The following TPST1 variants were observed in gnomAD, a reference collection of about 807,000 sequenced individuals.
TPST1 encodes the protein tyrosylprotein sulfotransferase 1.
In TPST1, 20 loss-of-function variants were observed where a neutral mutation model predicts 34.8. That is an observed-to-expected ratio of 0.57 (90% CI 0.40 to 0.84). The LOEUF is 0.84. Among genes scored for constraint, TPST1 ranks in the 40% least tolerant of loss-of-function variants. The pLI is 0.00. For synonymous variants in TPST1, 152 were observed against 159.4 expected, an observed-to-expected ratio of 0.95 and a Z score of 0.35; for missense variants, 353 against 455.5, an observed-to-expected ratio of 0.78 and a Z score of 2.05.
At chr7:66,209,649 G>A (rs1344509597) in intron 1 of TPST1, among the ~76,000 whole-genome samples, 1 of 152,140 alleles carries the variant, frequency 6.6e-6, no homozygotes, top group Non-Finnish European at 1.5e-5. Flanking sequence ...TATCTCTGCA[G>A]TAAAGCATTC....
Position 66,223,828 on chromosome 7 carries a change from T to C in TPST1, c.-101-16497T>C, listed in dbSNP as rs113637407. ...GAGCTCATAGCAGTCTAATTTCATA[T>C]ATACCCTCCACACATTCCTGCTCTC... is the stretch of plus-strand genomic sequence containing the variant. On this transcript the variant is annotated intron_variant, in intron 1 of 5. Coordinates refer to ENST00000304842, the MANE Select transcript of TPST1 (RefSeq NM_003596.4). 3.2e-4 allele frequency among the ~76,000 whole-genome samples: 48 copies of C among 152,334 alleles called. 4 individuals carry two copies. The highest frequency in any genetic ancestry group is 1.1e-3 in the African/African-American group (46 of 41,586).
intron 2 of TPST1, among the ~76,000 whole-genome samples, chr7:66,267,788 G>T (rs1790620674): frequency 6.6e-6 from 1 of 152,162 alleles, no homozygotes; most frequent in African/African-American, 2.4e-5. Flanking sequence ...GCATAAGATG[G>T]AGCAGCAGAC....
intron 2 of TPST1, among the ~76,000 whole-genome samples, chr7:66,262,826 G>A (rs1334618995): frequency 1.3e-5 from 2 of 152,222 alleles, no homozygotes; most frequent in Non-Finnish European, 2.9e-5. Context: ...GGCTGGGTGC[G>A]GTGGCTCATG....
chr7:66,357,830 A>C (rs1792611295), intron 5 of TPST1, among the ~76,000 whole-genome samples: 1 of 152,244 alleles, frequency 6.6e-6, no homozygotes, highest in East Asian at 1.9e-4. Flanking sequence ...TCATGCCTGT[A>C]ATCCCAGCAC....
chr7:66,343,668 T>C (rs1167037452), intron 3 of TPST1, among the ~76,000 whole-genome samples: 1 of 152,184 alleles, frequency 6.6e-6, no homozygotes, highest in East Asian at 1.9e-4. Context: ...AAGAGGACTT[T>C]TTACCGCAGT....
At chr7:66,278,150 G>A (rs1385565642) in intron 2 of TPST1, among the ~76,000 whole-genome samples, 1 of 147,932 alleles carries the variant, frequency 6.8e-6, no homozygotes, top group Non-Finnish European at 1.5e-5. Flanking sequence ...CCAGGTGAGA[G>A]ATGTTTGCTT....
At chr7:66,302,943 C>T (rs1791346798) in intron 3 of TPST1, among the ~76,000 whole-genome samples, 1 of 152,224 alleles carries the variant, frequency 6.6e-6, no homozygotes, top group South Asian at 2.1e-4. Context: ...TTTAACCACA[C>T]CACAGTGCCT....
chr7:66,214,177 C>A (rs1789337936), intron 1 of TPST1, among the ~76,000 whole-genome samples: 1 of 152,060 alleles, frequency 6.6e-6, no homozygotes, highest in African/African-American at 2.4e-5. Context: ...CCATTATCCT[C>A]AACTCTCCTA....
At chr7:66,359,781 C>A (rs111696430) in intron 5 of TPST1, 114 bp from the exon 6 acceptor site, 18,670 of 426,880 alleles carry the variant, frequency 0.044, 567 homozygotes, top group Non-Finnish European at 0.067. Flanking sequence ...TCTGCAGGAA[C>A]CTCCCCAACC....
intron 3 of TPST1, among the ~76,000 whole-genome samples, chr7:66,310,941 T>C (rs987507177): frequency 6.6e-6 from 1 of 152,104 alleles, no homozygotes; most frequent in Non-Finnish European, 1.5e-5. Context: ...TCCTCCCACC[T>C]TGGCCTCCCA....
At chr7:66,349,702 C>G (rs1792431281) in intron 3 of TPST1, among the ~76,000 whole-genome samples, 1 of 152,302 alleles carries the variant, frequency 6.6e-6, no homozygotes, top group East Asian at 1.9e-4. Context: ...CCAGAGTGGA[C>G]TGTGGGCCTG....
intron 2 of TPST1, among the ~76,000 whole-genome samples, chr7:66,282,008 A>C (rs184060943): frequency 1.5e-4 from 23 of 152,314 alleles, no homozygotes; most frequent in African/African-American, 5.3e-4. Context: ...AGTCACAGAT[A>C]TCTTGTCTCA....
At position 66,240,921 on chromosome 7, in the gene TPST1, TCTTTAA is replaced by T; in HGVS notation, c.500_505del (p.Leu167_Thr168del). On this transcript the variant is annotated inframe_deletion, in exon 2 of 6. Transcript: ENST00000304842. ...TAATAAAGATCCTTTTGCCCTGAAATCTTTAACTTACCTTTCTAGGTTATTCCCCAA... is the reference window on the plus strand; with the variant it reads ...TAATAAAGATCCTTTTGCCCTGAAATCTTACCTTTCTAGGTTATTCCCCAA... The T allele has an allele frequency of 6.2e-7, 1 of 1,614,178 alleles. No homozygotes were observed. Among genetic ancestry groups the T allele is most frequent in the Non-Finnish European group, 8.5e-7 (1 of 1,180,038 alleles).
At chr7:66,329,149 A>G (rs1791946353) in intron 3 of TPST1, among the ~76,000 whole-genome samples, 1 of 151,738 alleles carries the variant, frequency 6.6e-6, no homozygotes, top group African/African-American at 2.4e-5. Flanking sequence ...CTGGAACTCA[A>G]GCAATCTGCC....
chr7:66,283,610 T>G (rs1161348994), intron 2 of TPST1, among the ~76,000 whole-genome samples: 1 of 152,246 alleles, frequency 6.6e-6, no homozygotes, highest in Non-Finnish European at 1.5e-5. Flanking sequence ...GAAATGTGAT[T>G]ATTTTTATTT....
At chr7:66,329,168 G>A (rs1375821261) in intron 3 of TPST1, among the ~76,000 whole-genome samples, 2 of 151,710 alleles carry the variant, frequency 1.3e-5, no homozygotes, top group Non-Finnish European at 2.9e-5. Context: ...CCTCAGGCAG[G>A]AATCCTGAAA....
intron 2 of TPST1, among the ~76,000 whole-genome samples, chr7:66,282,191 T>C (rs1187811474): frequency 6.6e-6 from 1 of 152,184 alleles, no homozygotes; most frequent in African/African-American, 2.4e-5. Flanking sequence ...TTTAATGAGC[T>C]CCTTGCAGTC....
intron 3 of TPST1, among the ~76,000 whole-genome samples, chr7:66,294,501 CATT>C (rs1791151572): frequency 6.6e-6 from 1 of 151,644 alleles, no homozygotes; most frequent in African/African-American, 2.4e-5. Context: ...CTTTTCAATT[CATT>C]ATTAGCAGCT....
At chr7:66,226,749 C>T (rs995746352) in intron 1 of TPST1, among the ~76,000 whole-genome samples, 2 of 152,126 alleles carry the variant, frequency 1.3e-5, no homozygotes, top group Non-Finnish European at 2.9e-5. Context: ...TGTCCGTTGA[C>T]AACTAACAAG....
Sources: allele counts gnomAD v4.1 joint callset (sites outside exome capture counted in the v4.1 genomes callset), GRCh38; gene constraint gnomAD v4.1.1; transcripts MANE v1.5; gene names NCBI Gene and HGNC (gene_info 2026-07-23, HGNC 2026-07-21).